DNAH8: variants seen among roughly 807,000 people sequenced by gnomAD.
DNAH8 encodes the protein axonemal beta dynein heavy chain 8.
DNAH8 carries 382 observed loss-of-function variants against 562.1 expected under a neutral mutation model. The ratio of observed to expected loss-of-function variants is 0.68; its 90% CI spans 0.63 to 0.74. DNAH8 has a LOEUF of 0.74. DNAH8 is among the 30% of genes least tolerant of loss of function. The pLI is 0.00. For missense variants in DNAH8, 5,203 were observed against 5,620.4 expected (o/e 0.93, Z 2.37); for synonymous variants, 1,881 against 1,919.4 (o/e 0.98, Z 0.52).
Position 38,826,267 on chromosome 6 carries a change from A to G in DNAH8, c.3959A>G (p.Asn1320Ser). The change falls in exon 29 of 93, where the codon AAT becomes AGT. Residue 1320 changes from asparagine to serine, a missense_variant. By Grantham distance (46) the Asn-to-Ser change is conservative (BLOSUM62 1). This residue lies in a region of DNAH8 where 2,176 missense variants were observed against 2,365.1 expected (regional missense o/e 0.92). Transcript: ENST00000327475. ...KKMSYMIAFI[N>S]EYLKKLSRPI... ...ATGTCATACATGATAGCATTTATTA[A>G]TGAATACTTGAAAAAGTTATCTAGA... 1 of 1,613,344 alleles carries G rather than the reference A, an allele frequency of 6.2e-7. No individual in the cohort carries two copies. The highest frequency in any genetic ancestry group is 8.5e-7 in the Non-Finnish European group (1 of 1,179,446).
At chr6:38,745,625 A>G (rs1362725284) in intron 8 of DNAH8, among the ~76,000 whole-genome samples, 1 of 152,182 alleles carries the variant, frequency 6.6e-6, no homozygotes, top group East Asian at 1.9e-4. Flanking sequence ...ATACTTCTCC[A>G]GGTTTTCCAC....
chr6:38,898,228 T>C, intron 60 of DNAH8, 30 bp from the exon 61 acceptor site: 1 of 1,559,266 alleles, frequency 6.4e-7, no homozygotes, highest in Non-Finnish European at 8.6e-7. Flanking sequence ...ATCTTAAATA[T>C]TATTTTTTTA....
At chr6:38,958,743 A>G (rs1265422804) in intron 82 of DNAH8, among the ~76,000 whole-genome samples, 1 of 152,032 alleles carries the variant, frequency 6.6e-6, no homozygotes, top group Non-Finnish European at 1.5e-5. Flanking sequence ...TTCTTCTCAA[A>G]TTATTCCAAA....
In DNAH8 at chr6:38,834,245, C is replaced by T. The variant is rs565604215; in HGVS notation, c.4303-334C>T. The stretch of plus-strand genomic sequence containing the variant: ...CACTCCATATAGAATGTAATTTTGT[C>T]ACATTTTTTATTAGCTCTGTCAAGG... On this transcript the variant is annotated intron_variant, in intron 31 of 92. Coordinates refer to ENST00000327475, the MANE Select transcript of DNAH8 (RefSeq NM_001206927.2). 5.8e-4 allele frequency among the ~76,000 whole-genome samples: 88 copies of T among 152,228 alleles called. 1 individual carries two copies. The highest frequency in any genetic ancestry group is 2.0e-3 in the African/African-American group (82 of 41,546).
intron 14 of DNAH8, among the ~76,000 whole-genome samples, chr6:38,778,970 A>C (rs1231059976): frequency 6.6e-6 from 1 of 152,226 alleles, no homozygotes; most frequent in Non-Finnish European, 1.5e-5. Flanking sequence ...CAGATAACAC[A>C]TTCATCATCT....
At chr6:38,868,723 T>A (rs781641605) in intron 48 of DNAH8, among the ~76,000 whole-genome samples, 11 of 151,432 alleles carry the variant, frequency 7.3e-5, no homozygotes, top group Non-Finnish European at 1.3e-4. Flanking sequence ...CAGGCTGGAG[T>A]GCAGTGGTGC....
In DNAH8 at chr6:38,883,899, T is replaced by C. The variant is rs139459495; in HGVS notation, c.8160T>C (p.Asp2720=). 166 of 1,586,974 alleles carry C rather than the reference T, an allele frequency of 1.0e-4. No individual in the cohort carries two copies. Among genetic ancestry groups the C allele is most frequent in the Non-Finnish European group, 1.4e-4 (162 of 1,165,192 alleles). The change falls in exon 56 of 93, where the codon GAT becomes GAC. Residue 2720 remains aspartate (D), a synonymous_variant. Transcript: ENST00000327475. ...MFQRTIESYV[D]KRIGSTYGPP... is the part of the protein sequence containing the mutation. The stretch of plus-strand genomic sequence containing the variant: ...AGAGAACAATTGAAAGCTACGTGGA[T>C]AAGCGAATTGGAAGCACATATGGGC...
At chr6:38,998,438 G>T (rs1765283528) in intron 88 of DNAH8, among the ~76,000 whole-genome samples, 1 of 152,034 alleles carries the variant, frequency 6.6e-6, no homozygotes, top group Non-Finnish European at 1.5e-5. Flanking sequence ...CTCATCAGTG[G>T]TTATGCATGT....
At chr6:38,933,807 G>T (rs1280971663) in intron 76 of DNAH8, among the ~76,000 whole-genome samples, 1 of 151,982 alleles carries the variant, frequency 6.6e-6, no homozygotes, top group African/African-American at 2.4e-5. Flanking sequence ...GGCAGAGACC[G>T]GCCTAATACC....
At chr6:38,837,908 G>C in intron 32 of DNAH8, 34 bp from the exon 33 acceptor site, 2 of 1,386,048 alleles carry the variant, frequency 1.4e-6, no homozygotes, top group African/African-American at 2.9e-5. Flanking sequence ...TGAATTAATT[G>C]TATTTTAGTA....
At chr6:39,004,764 G>T (rs1453097715) in intron 88 of DNAH8, among the ~76,000 whole-genome samples, 2 of 152,158 alleles carry the variant, frequency 1.3e-5, no homozygotes, top group Non-Finnish European at 2.9e-5. Context: ...TGGACATTTT[G>T]CATAAGCAGA....
rs375043160 is a variant in DNAH8, at chr6:38,892,449, C to T, written c.8583+1688C>T. ...CTTAGTAGCAGCACCAGTTATCCTG[C>T]TTCTTAGGTTAAAATTACTGGGCAC... On this transcript the variant is annotated intron_variant, in intron 58 of 92. Coordinates refer to ENST00000327475, the MANE Select transcript of DNAH8 (RefSeq NM_001206927.2). Among the ~76,000 whole-genome samples, 12 of 152,276 alleles carry T rather than the reference C, an allele frequency of 7.9e-5. No individual in the cohort carries two copies. The South Asian group carries it at 1.7e-3, about 21-fold the overall frequency.
In DNAH8 at chr6:38,855,435, A is replaced by G. The variant is rs532664435; in HGVS notation, c.5734-2083A>G. Among the ~76,000 whole-genome samples, 268 of 152,350 alleles carry G rather than the reference A, an allele frequency of 1.8e-3. 1 individual carries two copies. Among genetic ancestry groups the G allele is most frequent in the Non-Finnish European group, 6.9e-4 (47 of 68,038 alleles). On this transcript the variant is annotated intron_variant, in intron 41 of 92. Coordinates refer to ENST00000327475, the MANE Select transcript of DNAH8 (RefSeq NM_001206927.2). The stretch of plus-strand genomic sequence containing the variant: ...ATATTTCTACCACCTGGAAATTATG[A>G]CTATTAATATTTTAGTGTATTCCCT...
At chr6:38,822,806 G>T in intron 26 of DNAH8, 32 bp from the exon 27 acceptor site, 1 of 1,434,394 alleles carries the variant, frequency 7.0e-7, no homozygotes. Flanking sequence ...GAATATAGAA[G>T]TTATTTATAG....
At chr6:38,765,263 T>C (rs967535371) in intron 11 of DNAH8, among the ~76,000 whole-genome samples, 1 of 152,216 alleles carries the variant, frequency 6.6e-6, no homozygotes, top group Non-Finnish European at 1.5e-5. Flanking sequence ...AGTCTAGAGG[T>C]TGTCTCTTCA....
chr6:38,932,524 C>G (rs554924184), intron 76 of DNAH8, among the ~76,000 whole-genome samples: 74 of 152,146 alleles, frequency 4.9e-4, no homozygotes, highest in Middle Eastern at 3.4e-3. Context: ...GAGACTGATA[C>G]AAGATTAAAC....
chr6:38,855,757 A>G (rs1416651021), intron 41 of DNAH8, among the ~76,000 whole-genome samples: 2 of 152,146 alleles, frequency 1.3e-5, no homozygotes, highest in Non-Finnish European at 2.9e-5. Context: ...CCCGGCCACA[A>G]ACCGGTACCG....
At chr6:38,954,942 G>C (rs559738031) in intron 82 of DNAH8, among the ~76,000 whole-genome samples, 1 of 152,236 alleles carries the variant, frequency 6.6e-6, no homozygotes, top group African/African-American at 2.4e-5. Flanking sequence ...GCTATATTCT[G>C]TTCCAAAAGA....
At chr6:39,022,618 C>T (rs1032504706) in intron 91 of DNAH8, among the ~76,000 whole-genome samples, 8 of 152,240 alleles carry the variant, frequency 5.3e-5, no homozygotes, top group African/African-American at 1.9e-4. Context: ...TGGGGGTGCC[C>T]TGCTCAGGGA....
Sources: allele counts gnomAD v4.1 joint callset (sites outside exome capture counted in the v4.1 genomes callset), GRCh38; gene constraint gnomAD v4.1.1; regional missense constraint gnomAD v4.1.1; transcripts MANE v1.5; gene names NCBI Gene and HGNC (gene_info 2026-07-23, HGNC 2026-07-21).